CTNNAL1: variants seen among roughly 807,000 people sequenced by gnomAD.
CTNNAL1 encodes alpha-catulin.
Under a neutral mutation model 93.6 loss-of-function variants are expected in CTNNAL1, and 69 were observed. The ratio of observed to expected loss-of-function variants is 0.74; its 90% CI spans 0.61 to 0.90. The LOEUF (loss-of-function observed/expected upper bound fraction) is 0.90, where lower values mean the gene tolerates loss of function less well. Among genes scored for constraint, CTNNAL1 ranks in the 40% least tolerant of loss-of-function variants. The pLI is 0.00. For missense variants in CTNNAL1, 836 were observed against 862.0 expected (o/e 0.97, Z 0.38); for synonymous variants, 286 against 305.4 (o/e 0.94, Z 0.66).
At chr9:108,952,152 T>C (rs1830580073) in intron 14 of CTNNAL1, 57 bp downstream of exon 14, 1 of 1,445,456 alleles carries the variant, frequency 6.9e-7, no homozygotes, top group African/African-American at 1.4e-5. Flanking sequence ...GGAACTTTTT[T>C]CTTTACACCA....
At chr9:108,992,008 T>C (rs838836) in intron 3 of CTNNAL1, 704,675 of 746,174 alleles carry the variant, frequency 0.94, 333,028 homozygotes, top group East Asian at 1. Flanking sequence ...AATTTTGTAG[T>C]TGTGGATAAT....
At chr9:108,984,549 A>T in intron 4 of CTNNAL1, 113 bp from the exon 5 acceptor site, 64 of 157,598 alleles carry the variant, frequency 4.1e-4, no homozygotes, top group Middle Eastern at 4.6e-3. Context: ...TTGTTAAGTG[A>T]AAAAAAAAAA....
intron 15 of CTNNAL1, among the ~76,000 whole-genome samples, chr9:108,945,464 T>TC: frequency 7.3e-6 from 1 of 137,854 alleles, no homozygotes; most frequent in South Asian, 2.3e-4. Flanking sequence ...GTTTTCTTCC[T>TC]TTTTTTTTTT....
At chr9:108,996,436 C>T (rs1286198648) in intron 2 of CTNNAL1, among the ~76,000 whole-genome samples, 2 of 152,108 alleles carry the variant, frequency 1.3e-5, no homozygotes, top group African/African-American at 4.8e-5. Context: ...TTTACAACTC[C>T]AGAAGGCATC....
intron 1 of CTNNAL1, among the ~76,000 whole-genome samples, chr9:109,005,779 A>T (rs1373771108): frequency 6.6e-6 from 1 of 152,250 alleles, no homozygotes; most frequent in African/African-American, 2.4e-5. Context: ...TCAATTACAA[A>T]GAAAAGATCC....
chr9:108,980,560 T>C lies in CTNNAL1; in HGVS notation c.901-1079A>G, dbSNP rs140747522. ...AAAGTTTGGGAAAGTCAAGATGCCA[T>C]AGGAGAGTCCTTGCTTCCCCTCCTG... On this transcript the variant is annotated intron_variant, in intron 6 of 18. Coordinates refer to ENST00000325551, the MANE Select transcript of CTNNAL1 (RefSeq NM_003798.4). Among the ~76,000 whole-genome samples the C allele has an allele frequency of 7.6e-4, 116 of 152,322 alleles. 1 individual carries two copies. The East Asian group carries it at 0.021, about 28-fold the overall frequency.
intron 1 of CTNNAL1, among the ~76,000 whole-genome samples, chr9:109,009,941 A>T (rs1451584169): frequency 1.3e-5 from 2 of 152,232 alleles, no homozygotes; most frequent in Non-Finnish European, 2.9e-5. Flanking sequence ...TTATATACAT[A>T]GCAAAAGCAA....
intron 1 of CTNNAL1, among the ~76,000 whole-genome samples, chr9:109,006,664 A>G (rs889883628): frequency 1.6e-4 from 24 of 152,248 alleles, no homozygotes; most frequent in East Asian, 5.8e-4. Context: ...AGAGGGCAGA[A>G]AAGGCATCCC....
At chr9:108,997,371 G>A (rs1832061735) in intron 2 of CTNNAL1, among the ~76,000 whole-genome samples, 1 of 152,042 alleles carries the variant, frequency 6.6e-6, no homozygotes, top group South Asian at 2.1e-4. Flanking sequence ...CTTCTCTCAG[G>A]CTGTCCTCAT....
Position 108,965,361 on chromosome 9 carries a change from T to G in CTNNAL1, c.1591+17A>C. On this transcript the variant is annotated intron_variant, in intron 11 of 18. Transcript: ENST00000325551. The stretch of plus-strand genomic sequence containing the variant: ...ATTAAAATAATAACATATTTCATTA[T>G]GTGGACAGTTTCTCACCTCGTCTTC... 7.1e-7 allele frequency: 1 copy of G among 1,398,716 alleles called. No individual in the cohort carries two copies. The highest frequency in any genetic ancestry group is 2.7e-5 in the East Asian group (1 of 36,898). 86.6% of individuals were successfully genotyped at this position (1,398,716 alleles called of 1,614,324 possible).
At chr9:109,000,020 T>C (rs1826739396) in intron 1 of CTNNAL1, among the ~76,000 whole-genome samples, 2 of 152,288 alleles carry the variant, frequency 1.3e-5, no homozygotes, top group Admixed American at 1.3e-4. Flanking sequence ...CATGTACTAG[T>C]ATTAAAAGAA....
intron 4 of CTNNAL1, among the ~76,000 whole-genome samples, chr9:108,987,937 G>A (rs12552110): frequency 0.074 from 11,306 of 152,084 alleles, 493 homozygotes; most frequent in Admixed American, 0.13. Flanking sequence ...GGCTGAGACA[G>A]TGGGGTTTTC....
intron 6 of CTNNAL1, among the ~76,000 whole-genome samples, chr9:108,981,977 A>G (rs1831447082): frequency 6.6e-6 from 1 of 152,226 alleles, no homozygotes; most frequent in African/African-American, 2.4e-5. Context: ...AAAGAATGCC[A>G]TTCTCATCAT....
At position 108,942,726 on chromosome 9, in the gene CTNNAL1, G is replaced by T; in HGVS notation, c.*43C>A. ...GATCATTTGATTTTTAAAAATGTCA[G>T]CTTCATCACATGATGTTCCAGAGAT... On this transcript the variant is annotated 3_prime_UTR_variant, in exon 19 of 19. Transcript: ENST00000325551. The T allele has an allele frequency of 8.3e-7, 1 of 1,203,250 alleles. No homozygotes were observed. The highest frequency in any genetic ancestry group is 1.2e-6 in the Non-Finnish European group (1 of 824,376). The allele number at this position is 1,203,250 out of a possible 1,614,324, so 74.5% of individuals were successfully genotyped here.
At chr9:108,943,934 C>A in intron 16 of CTNNAL1, 28 bp downstream of exon 16, 1 of 1,610,528 alleles carries the variant, frequency 6.2e-7, no homozygotes, top group South Asian at 1.1e-5. Context: ...ATACCACCAC[C>A]AGCTCCAGGT....
At chr9:108,986,524 G>A (rs1483041903) in intron 4 of CTNNAL1, among the ~76,000 whole-genome samples, 2 of 151,940 alleles carry the variant, frequency 1.3e-5, no homozygotes, top group Non-Finnish European at 2.9e-5. Flanking sequence ...ATGATTTATA[G>A]TCGTTTGGGT....
Position 108,979,476 on chromosome 9 carries a change from A to G in CTNNAL1, c.906T>C (p.Asn302=). The part of the protein sequence containing the change: ...IFTGIKEFKM[N]IEALRENLYF... ...AAAGATTCTCCCGAAGAGCTTCAATATTCATCTGAGAACAAAAAGGACATC... is the reference window on the plus strand; with the variant it reads ...AAAGATTCTCCCGAAGAGCTTCAATGTTCATCTGAGAACAAAAAGGACATC... The change falls in exon 7 of 19, where the codon AAT becomes AAC. Residue 302 remains asparagine (N), a synonymous_variant. Coordinates refer to ENST00000325551, the MANE Select transcript of CTNNAL1 (RefSeq NM_003798.4). 1.2e-6 allele frequency: 2 copies of G among 1,613,874 alleles called. No homozygotes were observed. Among genetic ancestry groups the G allele is most frequent in the Non-Finnish European group, 1.7e-6 (2 of 1,179,844 alleles).
intron 1 of CTNNAL1, among the ~76,000 whole-genome samples, chr9:109,007,874 C>T (rs1302345967): frequency 6.6e-6 from 1 of 152,102 alleles, no homozygotes; most frequent in African/African-American, 2.4e-5. Flanking sequence ...TTCACCACTC[C>T]TTTATTATAA....
At chr9:108,984,688 G>A (rs1163005400) in intron 4 of CTNNAL1, among the ~76,000 whole-genome samples, 1 of 152,148 alleles carries the variant, frequency 6.6e-6, no homozygotes, top group African/African-American at 2.4e-5. Flanking sequence ...GGTAGAGGCT[G>A]CACATGGCTG....
Sources: gnomAD v4.1 joint callset for allele counts (sites outside exome capture counted in the v4.1 genomes callset) on GRCh38, gnomAD v4.1.1 for gene constraint, MANE v1.5 for transcripts, NCBI Gene and HGNC (gene_info 2026-07-23, HGNC 2026-07-21) for gene names.